Variants in AP3B1 observed in about 807,000 individuals in gnomAD.
The protein encoded by AP3B1 is adaptor related protein complex 3 subunit beta 1, also known as AP-3 complex subunit beta-1.
Under a neutral mutation model 132.5 loss-of-function variants are expected in AP3B1, and 61 were observed. The observed-to-expected ratio is 0.46, with a 90% CI of 0.37 to 0.57. The LOEUF is 0.57. Among genes scored for constraint, AP3B1 ranks in the 20% least tolerant of loss-of-function variants. AP3B1 has a pLI of 0.00. For missense variants in AP3B1, 1,120 were observed against 1,289.4 expected (o/e 0.87, Z 2.01); for synonymous variants, 388 against 438.3 (o/e 0.89, Z 1.43).
intron 22 of AP3B1, 116 bp from the exon 23 acceptor site, chr5:78,039,390 C>T: frequency 1.3e-6 from 1 of 798,302 alleles, no homozygotes; most frequent in South Asian, 1.5e-5. Context: ...ATTATATGAA[C>T]TACAATAACA....
intron 22 of AP3B1, among the ~76,000 whole-genome samples, chr5:78,071,529 C>T (rs193248415): frequency 2.6e-4 from 40 of 152,230 alleles, no homozygotes; most frequent in African/African-American, 9.1e-4. Context: ...TGTAACAAAC[C>T]TGCACATCTT....
At chr5:78,269,117 A>C (rs1748448518) in intron 1 of AP3B1, among the ~76,000 whole-genome samples, 1 of 152,238 alleles carries the variant, frequency 6.6e-6, no homozygotes, top group Admixed American at 6.5e-5. Flanking sequence ...GTATTACTGC[A>C]TAAATCTTAG....
At chr5:78,118,192 T>A (rs190131187) in intron 17 of AP3B1, among the ~76,000 whole-genome samples, 1 of 152,096 alleles carries the variant, frequency 6.6e-6, no homozygotes, top group Non-Finnish European at 1.5e-5. Context: ...ATTTAAAAAA[T>A]CTCCAGGAGG....
chr5:78,057,205 C>T (rs1291234409), intron 22 of AP3B1, among the ~76,000 whole-genome samples: 1 of 152,176 alleles, frequency 6.6e-6, no homozygotes, highest in Non-Finnish European at 1.5e-5. Context: ...CTTCAGTGAA[C>T]TCTCCATCCA....
intron 15 of AP3B1, among the ~76,000 whole-genome samples, chr5:78,130,130 A>G (rs1475688020): frequency 6.6e-6 from 1 of 152,162 alleles, no homozygotes; most frequent in African/African-American, 2.4e-5. Flanking sequence ...TTGAAATGTT[A>G]ACAAAACAGG....
intron 7 of AP3B1, among the ~76,000 whole-genome samples, chr5:78,182,218 C>T (rs1026261377): frequency 6.6e-6 from 1 of 152,194 alleles, no homozygotes; most frequent in Non-Finnish European, 1.5e-5. Flanking sequence ...GTTTTGAATT[C>T]TTTATCTCTG....
intron 6 of AP3B1, among the ~76,000 whole-genome samples, chr5:78,218,012 C>T (rs1374727929): frequency 1.3e-5 from 2 of 151,916 alleles, no homozygotes; most frequent in Admixed American, 1.3e-4. Flanking sequence ...TTCTAAAGTA[C>T]TAACACCTTC....
intron 22 of AP3B1, among the ~76,000 whole-genome samples, chr5:78,072,482 C>T (rs1398348122): frequency 2.0e-5 from 3 of 151,962 alleles, no homozygotes. Context: ...AGGTATATGC[C>T]TTCTGAATTG....
intron 22 of AP3B1, among the ~76,000 whole-genome samples, chr5:78,055,038 C>T (rs929144446): frequency 6.6e-6 from 1 of 151,706 alleles, no homozygotes; most frequent in African/African-American, 2.4e-5. Flanking sequence ...CACACACACA[C>T]ACACACACAC....
intron 2 of AP3B1, 130 bp from the exon 3 acceptor site, chr5:78,241,066 C>A (rs1747114150): frequency 1.5e-6 from 1 of 660,132 alleles, no homozygotes; most frequent in African/African-American, 1.8e-5. Context: ...CAACTATTTA[C>A]AGCAAATAAT....
At chr5:78,163,835 C>A (rs910219851) in intron 12 of AP3B1, among the ~76,000 whole-genome samples, 15 of 151,632 alleles carry the variant, frequency 9.9e-5, no homozygotes, top group Admixed American at 9.9e-4. Flanking sequence ...CAGAAATATA[C>A]ACACTTTGTA....
intron 2 of AP3B1, among the ~76,000 whole-genome samples, chr5:78,253,781 A>G (rs1181273593): frequency 6.6e-6 from 1 of 151,970 alleles, no homozygotes; most frequent in African/African-American, 2.4e-5. Flanking sequence ...CCTAGCTAAC[A>G]CAGTGAAACC....
intron 8 of AP3B1, among the ~76,000 whole-genome samples, chr5:78,178,496 C>A (rs1357017859): frequency 2.0e-5 from 3 of 152,120 alleles, no homozygotes; most frequent in African/African-American, 7.2e-5. Context: ...GTGGTGCACA[C>A]CTGTAATCTC....
chr5:78,230,770 C>G (rs1454338416), intron 3 of AP3B1, among the ~76,000 whole-genome samples: 1 of 152,140 alleles, frequency 6.6e-6, no homozygotes. Context: ...CTCCATATAA[C>G]ACTATACTAT....
At chr5:78,019,354 G>C (rs1320867284) in intron 25 of AP3B1, among the ~76,000 whole-genome samples, 2 of 151,920 alleles carry the variant, frequency 1.3e-5, no homozygotes, top group African/African-American at 4.8e-5. Flanking sequence ...GGAGTGAAAG[G>C]GTATATAATA....
intron 7 of AP3B1, among the ~76,000 whole-genome samples, chr5:78,210,950 T>C (rs1479794911): frequency 6.6e-6 from 1 of 152,112 alleles, no homozygotes; most frequent in Non-Finnish European, 1.5e-5. Context: ...ACTTAAACAA[T>C]TTTATATCCT....
At chr5:78,014,255 A>G (rs1746760932) in intron 26 of AP3B1, among the ~76,000 whole-genome samples, 1 of 152,132 alleles carries the variant, frequency 6.6e-6, no homozygotes, top group Admixed American at 6.5e-5. Context: ...CAACTAGTAC[A>G]TGCAGTTTTT....
intron 23 of AP3B1, among the ~76,000 whole-genome samples, chr5:78,038,667 G>A (rs1747911499): frequency 6.6e-6 from 1 of 152,158 alleles, no homozygotes; most frequent in South Asian, 2.1e-4. Flanking sequence ...GAAATGCAGA[G>A]CGATTTTCTT....
In AP3B1 at chr5:78,246,470, T is replaced by C. The variant is rs138971717; in HGVS notation, c.205-5534A>G. Among the ~76,000 whole-genome samples the C allele has an allele frequency of 8.2e-3, 1,244 of 152,332 alleles. 15 individuals carry two copies. The highest frequency in any genetic ancestry group is 0.028 in the African/African-American group (1,182 of 41,578). ...ATTCTATATTCTGGAAGAGCTTATGTAGAACTGAACGTTCCCTGTAGAAAT... is the reference window on the plus strand; with the variant it reads ...ATTCTATATTCTGGAAGAGCTTATGCAGAACTGAACGTTCCCTGTAGAAAT... On this transcript the variant is annotated intron_variant, in intron 2 of 26. Transcript: ENST00000255194.
Sources: gnomAD v4.1 joint callset for allele counts (sites outside exome capture counted in the v4.1 genomes callset) on GRCh38, gnomAD v4.1.1 for gene constraint, MANE v1.5 for transcripts, NCBI Gene and HGNC (gene_info 2026-07-23, HGNC 2026-07-21) for gene names.